PAX8: variants seen among roughly 807,000 people sequenced by gnomAD.
PAX8 encodes the protein paired box protein Pax-8.
A neutral mutation model predicts 52.4 loss-of-function variants in PAX8; 15 were observed. That is an observed-to-expected ratio of 0.29 (90% CI 0.19 to 0.44). The LOEUF is 0.44. Among genes scored for constraint, PAX8 ranks in the 20% least tolerant of loss-of-function variants. The probability of loss-of-function intolerance (pLI) is 1.00; values close to 1 mark genes in which losing one functional copy is unlikely to be tolerated. For missense variants in PAX8, 554 were observed against 602.5 expected (o/e 0.92, Z 0.84); for synonymous variants, 284 against 249.7 (o/e 1.14, Z -1.29).
At chr2:113,235,356 C>T (rs1573435178) in intron 9 of PAX8, 38 bp downstream of exon 9, 11 of 1,523,648 alleles carry the variant, frequency 7.2e-6, no homozygotes, top group South Asian at 1.2e-5. Flanking sequence ...TCCCACCCGC[C>T]GCCATAGCTG....
intron 2 of PAX8, chr2:113,274,587 C>T (rs1363231028): frequency 6.6e-6 from 1 of 152,144 alleles, no homozygotes; most frequent in Admixed American, 6.5e-5. Context: ...ACTCCTTTCT[C>T]TCTCACAGCA....
chr2:113,248,543 G>A (rs1481156970), intron 2 of PAX8, among the ~76,000 whole-genome samples: 3 of 152,262 alleles, frequency 2.0e-5, no homozygotes, highest in African/African-American at 7.2e-5. Context: ...AGGGTGGGAA[G>A]TGCCTTTGCT....
chr2:113,246,610 A>AT (rs1691339201), intron 3 of PAX8, 144 bp downstream of exon 3: 2 of 842,096 alleles, frequency 2.4e-6, no homozygotes, highest in Non-Finnish European at 3.8e-6. Flanking sequence ...AAGGACCACC[A>AT]TAACTGTTCA....
chr2:113,216,102 G>C lies in PAX8; in HGVS notation c.*2431C>G. 4.4e-6 allele frequency: 1 copy of C among 228,222 alleles called. No homozygotes were observed. The highest frequency in any genetic ancestry group is 8.7e-6 in the Non-Finnish European group (1 of 114,838). 14.1% of individuals were successfully genotyped at this position (228,222 alleles called of 1,614,324 possible). ...AGAGGGGCTGTGGCTGTGAATGCAAGGGATCGCTCTATGGGCTCCTTGGGA... is the reference window on the plus strand; with the variant it reads ...AGAGGGGCTGTGGCTGTGAATGCAACGGATCGCTCTATGGGCTCCTTGGGA... On this transcript the variant is annotated 3_prime_UTR_variant, in exon 12 of 12. Transcript: ENST00000429538.
rs1689306158 is a variant in PAX8, at chr2:113,222,122, CAGAACT to C, written c.1190-1950_1190-1945del. Among the ~76,000 whole-genome samples, 4 of 152,236 alleles carry C rather than the reference CAGAACT, an allele frequency of 2.6e-5. No individual in the cohort carries two copies. In the South Asian group the frequency reaches 8.3e-4, roughly 32 times the overall value. On this transcript the variant is annotated intron_variant, in intron 10 of 11. Coordinates refer to ENST00000429538, the MANE Select transcript of PAX8 (RefSeq NM_003466.4). ...CCAAGGTCACATATTCAGTGAAAGC[CAGAACT>C]AGAACCCTGGCCCCGTCCTTCCACA...
Position 113,260,654 on chromosome 2 carries a change from AG to A in PAX8, c.26-13736del, listed in dbSNP as rs142214453. Among the ~76,000 whole-genome samples, 370 of 152,258 alleles carry A rather than the reference AG, an allele frequency of 2.4e-3. 3 individuals are homozygous for A. The highest frequency in any genetic ancestry group is 8.5e-3 in the African/African-American group (352 of 41,524). On this transcript the variant is annotated intron_variant, in intron 2 of 11. Transcript: ENST00000429538. ...CAGAGACTGAGAAGCCAGAGGAACTAGGGAATATTGAATATAATGAAGTCAC... is the reference window on the plus strand; with the variant it reads ...CAGAGACTGAGAAGCCAGAGGAACTAGGAATATTGAATATAATGAAGTCAC...
intron 7 of PAX8, 45 bp downstream of exon 7, chr2:113,241,506 T>A (rs1690838828): frequency 2.6e-6 from 4 of 1,547,284 alleles, no homozygotes; most frequent in Non-Finnish European, 3.5e-6. Flanking sequence ...AGACCTTCTC[T>A]GGCCCTTGCC....
At chr2:113,244,404 C>A in intron 4 of PAX8, 23 bp downstream of exon 4, 3 of 1,596,046 alleles carry the variant, frequency 1.9e-6, no homozygotes, top group Non-Finnish European at 8.6e-7. Context: ...CAGCCTGACA[C>A]CAGAGGCTGC....
At chr2:113,260,724 C>CT (rs1219753595) in intron 2 of PAX8, among the ~76,000 whole-genome samples, 10 of 152,178 alleles carry the variant, frequency 6.6e-5, no homozygotes, top group African/African-American at 2.4e-4. Flanking sequence ...TAAATGACCT[C>CT]TAAGTTTCTT....
chr2:113,238,779 C>G (rs1401272476), intron 7 of PAX8: 2 of 152,218 alleles, frequency 1.3e-5, no homozygotes, highest in Admixed American at 1.3e-4. Context: ...CTGACGTAAG[C>G]ATTACATGAA....
chr2:113,244,480 C>T lies in PAX8; in HGVS notation c.336G>A (p.Leu112=). 1 of 1,614,168 alleles carries T rather than the reference C, an allele frequency of 6.2e-7. No homozygotes were observed. Among genetic ancestry groups the T allele is most frequent in the African/African-American group, 1.3e-5 (1 of 75,056 alleles). The change falls in exon 4 of 12, where the codon CTG becomes CTA. Residue 112 remains leucine, a synonymous_variant. Coordinates refer to ENST00000429538, the MANE Select transcript of PAX8 (RefSeq NM_003466.4). The part of the protein sequence containing the change: ...MFAWEIRDRL[L]AEGVCDNDTV... ...TGTCATTGTCACAGACGCCCTCAGC[C>T]AGGAGCCGGTCTCGGATCTCCCAGG... is the stretch of plus-strand genomic sequence containing the variant.
chr2:113,234,524 G>GT (rs989283552), intron 9 of PAX8, among the ~76,000 whole-genome samples: 1 of 152,104 alleles, frequency 6.6e-6, no homozygotes, highest in African/African-American at 2.4e-5. Context: ...TTATTTATTT[G>GT]TTTTTTTCTT....
chr2:113,233,408 G>A (rs980399985), intron 9 of PAX8, among the ~76,000 whole-genome samples: 4 of 151,954 alleles, frequency 2.6e-5, no homozygotes, highest in South Asian at 2.1e-4. Flanking sequence ...TGGGCTGGGT[G>A]CAGTGGCTCA....
chr2:113,241,980 C>T (rs1573460567), intron 6 of PAX8, 28 bp downstream of exon 6: 3 of 1,612,104 alleles, frequency 1.9e-6, no homozygotes, highest in African/African-American at 2.7e-5. Context: ...TCGTGCACCG[C>T]CCGCTGCCCT....
At chr2:113,226,051 G>C in intron 10 of PAX8, 1 of 985,778 alleles carries the variant, frequency 1.0e-6, no homozygotes, top group Non-Finnish European at 1.2e-6. Context: ...GCAGCAACAA[G>C]TGCCAGCTCA....
At chr2:113,219,555 T>C (rs968652473) in intron 11 of PAX8, among the ~76,000 whole-genome samples, 1 of 152,212 alleles carries the variant, frequency 6.6e-6, no homozygotes, top group Non-Finnish European at 1.5e-5. Context: ...CATCTCAGGC[T>C]AAATATGGGG....
chr2:113,271,136 TAAC>T (rs1573546999), intron 2 of PAX8: 1 of 152,300 alleles, frequency 6.6e-6, no homozygotes, highest in Non-Finnish European at 1.5e-5. Context: ...CTTTGGGACA[TAAC>T]AACCGGCACC....
intron 2 of PAX8, among the ~76,000 whole-genome samples, chr2:113,248,976 A>AG (rs1691549509): frequency 6.7e-6 from 1 of 149,782 alleles, no homozygotes; most frequent in Non-Finnish European, 1.5e-5. Context: ...AAAAAAAGAA[A>AG]AAAAAGGGAG....
At chr2:113,272,530 C>T (rs920590816) in intron 2 of PAX8, 1 of 152,184 alleles carries the variant, frequency 6.6e-6, no homozygotes, top group Non-Finnish European at 1.5e-5. Flanking sequence ...CCTACTCCAC[C>T]TCACTGCAGA....
Sources: gnomAD v4.1 joint callset for allele counts (sites outside exome capture counted in the v4.1 genomes callset) on GRCh38, gnomAD v4.1.1 for gene constraint, MANE v1.5 for transcripts, NCBI Gene and HGNC (gene_info 2026-07-23, HGNC 2026-07-21) for gene names.